Variants in SPRY3 observed in about 807,000 individuals in gnomAD.
The protein encoded by SPRY3 is protein sprouty homolog 3.
A neutral mutation model predicts 20.2 loss-of-function variants in SPRY3; 15 were observed. The ratio of observed to expected loss-of-function variants is 0.74; its 90% CI spans 0.50 to 1.14. SPRY3 has a LOEUF of 1.14. Among genes scored for constraint, SPRY3 ranks in the 50% most tolerant of loss-of-function variants. The pLI is 0.00. For missense variants in SPRY3, 364 were observed against 363.9 expected (o/e 1.00, Z 0.00); for synonymous variants, 143 against 136.5 (o/e 1.05, Z -0.33).
chrX:155,676,749 G>A (rs1201863949), intron 2 of SPRY3, among the ~76,000 whole-genome samples: 3 of 111,857 alleles, frequency 2.7e-5, no homozygotes, highest in African/African-American at 6.5e-5. Context: ...CTCACATGGC[G>A]GAAGGTGGTG....
At chrX:155,760,810 C>T (rs2091301139) in intron 2 of SPRY3, among the ~76,000 whole-genome samples, 1 of 152,058 alleles carries the variant, frequency 6.6e-6, no homozygotes, top group African/African-American at 2.4e-5. Context: ...CATGCTCCCT[C>T]AGGGGCCACT....
chrX:155,673,477 C>T (rs896272845), intron 2 of SPRY3, among the ~76,000 whole-genome samples: 3 of 111,499 alleles, frequency 2.7e-5, no homozygotes, highest in Non-Finnish European at 5.7e-5. Flanking sequence ...GGGGACATTG[C>T]AATGGGAGAG....
chrX:155,681,576 C>T lies in SPRY3; in HGVS notation c.-282+24551C>T, dbSNP rs143374625. 7.0e-3 allele frequency among the ~76,000 whole-genome samples: 788 copies of T among 112,313 alleles called. 6 individuals carry two copies. Among genetic ancestry groups the T allele is most frequent in the African/African-American group, 0.024 (748 of 30,924 alleles). On this transcript the variant is annotated intron_variant, in intron 2 of 3. Transcript: ENST00000675360. Reference sequence around the variant, plus strand: ...GTTAGGGAGAAAGCTAGACCTCTTGCACTAAACCACTGGCCAAGTTGTAAA... The same window carrying T: ...GTTAGGGAGAAAGCTAGACCTCTTGTACTAAACCACTGGCCAAGTTGTAAA...
chrX:155,721,215 G>A (rs2091054959), intron 2 of SPRY3, among the ~76,000 whole-genome samples: 1 of 152,092 alleles, frequency 6.6e-6, no homozygotes, highest in Non-Finnish European at 1.5e-5. Flanking sequence ...TTAGTAGTGA[G>A]CTTGAAGACA....
intron 2 of SPRY3, among the ~76,000 whole-genome samples, chrX:155,742,698 A>G: frequency 6.6e-6 from 1 of 152,286 alleles, no homozygotes; most frequent in Admixed American, 6.5e-5. Flanking sequence ...AAATCACACA[A>G]CCACAAGGAA....
chrX:155,768,807 T>G (rs942641329), intron 3 of SPRY3, among the ~76,000 whole-genome samples: 7 of 152,216 alleles, frequency 4.6e-5, no homozygotes, highest in Non-Finnish European at 8.8e-5. Context: ...TGATAAGACC[T>G]AGGGCAATGG....
At chrX:155,698,991 G>T (rs1247757283) in intron 2 of SPRY3, among the ~76,000 whole-genome samples, 2 of 111,984 alleles carry the variant, frequency 1.8e-5, no homozygotes, top group African/African-American at 6.5e-5. Context: ...CACTAAGATT[G>T]AAAAGAAGGC....
At chrX:155,769,483 G>C (rs937044077) in intron 3 of SPRY3, among the ~76,000 whole-genome samples, 22 of 152,144 alleles carry the variant, frequency 1.4e-4, no homozygotes, top group African/African-American at 5.3e-4. Flanking sequence ...CAGCAAAGTA[G>C]AGCTACCATT....
intron 2 of SPRY3, among the ~76,000 whole-genome samples, chrX:155,766,164 T>C (rs1260581135): frequency 1.3e-5 from 2 of 152,106 alleles, no homozygotes; most frequent in East Asian, 1.9e-4. Flanking sequence ...CACACACACA[T>C]ATACCTACAT....
At chrX:155,753,322 A>AT (rs201707345) in intron 2 of SPRY3, among the ~76,000 whole-genome samples, 151,912 of 151,920 alleles carry the variant, frequency 1, 75,952 homozygotes, top group Middle Eastern at 1. Context: ...TTTTCTGGAC[A>AT]TTCACATAAA....
chrX:155,764,414 T>C (rs2091316416), intron 2 of SPRY3, among the ~76,000 whole-genome samples: 1 of 152,234 alleles, frequency 6.6e-6, no homozygotes, highest in South Asian at 2.1e-4. Flanking sequence ...CAAATTTCTG[T>C]ATATAATTGT....
intron 1 of SPRY3, among the ~76,000 whole-genome samples, chrX:155,646,684 G>A (rs945331734): frequency 9.0e-6 from 1 of 111,538 alleles, no homozygotes; most frequent in Non-Finnish European, 1.9e-5. Flanking sequence ...ACAGTTTTTT[G>A]TGATGCCTTC....
At chrX:155,739,973 T>C (rs2091195046) in intron 2 of SPRY3, among the ~76,000 whole-genome samples, 2 of 152,088 alleles carry the variant, frequency 1.3e-5, no homozygotes, top group African/African-American at 4.8e-5. Flanking sequence ...CTGAGATGGC[T>C]AGATTGACAG....
chrX:155,635,909 G>C, intron 1 of SPRY3, among the ~76,000 whole-genome samples: 1 of 112,062 alleles, frequency 8.9e-6, no homozygotes, highest in Non-Finnish European at 1.9e-5. Flanking sequence ...CATCTGGACT[G>C]ACTGAACAAT....
chrX:155,623,556 T>C (rs1557349634), intron 1 of SPRY3, among the ~76,000 whole-genome samples: 1 of 112,096 alleles, frequency 8.9e-6, no homozygotes, highest in African/African-American at 3.2e-5. Context: ...TACTCCAAAA[T>C]ATTATGAACA....
At chrX:155,754,583 C>G (rs1466514693) in intron 2 of SPRY3, among the ~76,000 whole-genome samples, 1 of 151,928 alleles carries the variant, frequency 6.6e-6, no homozygotes, top group Non-Finnish European at 1.5e-5. Flanking sequence ...GTACCCCTTG[C>G]ATTTCCATAT....
exon 2 of SPRY3, chrX:155,781,996 T>C (rs2091465836): frequency 6.0e-6 from 1 of 167,024 alleles, no homozygotes; most frequent in Admixed American, 6.6e-5. Flanking sequence ...GTGGGATATC[T>C]GGATTTCTTA....
intron 2 of SPRY3, among the ~76,000 whole-genome samples, chrX:155,746,663 T>C (rs2091228174): frequency 6.6e-6 from 1 of 151,944 alleles, no homozygotes. Flanking sequence ...TGTGTTTGAG[T>C]CTTAAGTTCT....
Position 155,649,863 on chromosome X carries a change from G to C in SPRY3, c.-440-7004G>C, listed in dbSNP as rs367939741. Among the ~76,000 whole-genome samples, 6 of 111,636 alleles carry C rather than the reference G, an allele frequency of 5.4e-5. No homozygotes were observed. The East Asian group carries it at 1.1e-3, about 21-fold the overall frequency. ...TGCACATGACATGACTTTATATTTA[G>C]AAAACCCCATCGTCTCAGCCCAAAA... On this transcript the variant is annotated intron_variant, in intron 1 of 3. Coordinates refer to ENST00000675360, the Ensembl canonical transcript of SPRY3.
Sources: gnomAD v4.1 joint callset for allele counts (sites outside exome capture counted in the v4.1 genomes callset) on GRCh38, gnomAD v4.1.1 for gene constraint, MANE v1.5 for transcripts, NCBI Gene and HGNC (gene_info 2026-07-23, HGNC 2026-07-21) for gene names.